Variants in SOX6 observed in about 807,000 individuals in gnomAD.
SOX6 encodes transcription factor SOX-6.
SOX6 carries 11 observed loss-of-function variants against 97.8 expected under a neutral mutation model. The ratio of observed to expected loss-of-function variants is 0.11; its 90% CI spans 0.07 to 0.19. The LOEUF is 0.19. SOX6 is among the 10% of genes least tolerant of loss of function. The pLI, the probability that SOX6 is intolerant of heterozygous loss-of-function variation, is 1.00. For synonymous variants in SOX6, 360 were observed against 371.4 expected (o/e 0.97, Z 0.35); for missense variants, 810 against 1,039.5 (o/e 0.78, Z 3.04).
intron 1 of SOX6, among the ~76,000 whole-genome samples, chr11:16,452,089 A>G (rs2133097241): frequency 6.6e-6 from 1 of 152,304 alleles, no homozygotes; most frequent in South Asian, 2.1e-4. Context: ...TGTTGAGTAC[A>G]GCTGGATAAA....
intron 12 of SOX6, among the ~76,000 whole-genome samples, chr11:16,037,844 C>A (rs539560580): frequency 6.6e-6 from 1 of 152,208 alleles, no homozygotes; most frequent in South Asian, 2.1e-4. Context: ...CAATGGCTGG[C>A]AATTATCTAC....
In SOX6 at chr11:16,031,204, C is replaced by T. The variant is rs557657705; in HGVS notation, c.1623+15310G>A. On this transcript the variant is annotated intron_variant, in intron 12 of 15. Coordinates refer to ENST00000683767, the MANE Select transcript of SOX6 (RefSeq NM_001367873.1). ...TAACATCAAGACTAAATTCCTTCTA[C>T]GATTCACATAGCTTCATTTGTCAAA... Among the ~76,000 whole-genome samples, 81 of 152,274 alleles carry T rather than the reference C, an allele frequency of 5.3e-4. No individual in the cohort carries two copies. In the South Asian group the frequency reaches 7.9e-3, roughly 15 times the overall value.
chr11:16,233,003 A>G (rs1415519414), intron 4 of SOX6, among the ~76,000 whole-genome samples: 3 of 152,202 alleles, frequency 2.0e-5, no homozygotes, highest in Non-Finnish European at 4.4e-5. Flanking sequence ...GCAATGATTT[A>G]TTAATTATTT....
chr11:16,423,938 C>T (rs1590197630), intron 1 of SOX6, among the ~76,000 whole-genome samples: 1 of 152,088 alleles, frequency 6.6e-6, no homozygotes, highest in East Asian at 1.9e-4. Context: ...GTGCTAAAAA[C>T]TTGTTGAATA....
intron 3 of SOX6, among the ~76,000 whole-genome samples, chr11:16,255,417 A>G (rs551113080): frequency 1.3e-4 from 20 of 152,232 alleles, no homozygotes; most frequent in South Asian, 2.1e-4. Flanking sequence ...TCAAACCACA[A>G]TGGTTTTAAA....
intron 1 of SOX6, among the ~76,000 whole-genome samples, chr11:16,413,276 T>G (rs761831571): frequency 2.0e-4 from 31 of 152,126 alleles, no homozygotes; most frequent in Non-Finnish European, 4.1e-4. Context: ...TTGTCCCTTC[T>G]CTTACTTCAG....
At chr11:16,216,351 G>C (rs1005742476) in intron 4 of SOX6, among the ~76,000 whole-genome samples, 4 of 152,088 alleles carry the variant, frequency 2.6e-5, no homozygotes, top group East Asian at 1.9e-4. Context: ...AAGATTTGTG[G>C]AGTGACTGAG....
intron 4 of SOX6, among the ~76,000 whole-genome samples, chr11:16,506,406 C>A (rs890284383): frequency 2.2e-4 from 33 of 152,236 alleles, no homozygotes; most frequent in African/African-American, 7.9e-4. Context: ...ATGCCTATAC[C>A]CCCATTGTAT....
intron 1 of SOX6, among the ~76,000 whole-genome samples, chr11:16,342,059 G>A (rs931545849): frequency 8.5e-5 from 13 of 152,062 alleles, no homozygotes; most frequent in African/African-American, 2.9e-4. Context: ...AATGCCTACT[G>A]TGCATAATAT....
chr11:16,711,004 T>G, intron 3 of SOX6, among the ~76,000 whole-genome samples: 1 of 152,184 alleles, frequency 6.6e-6, no homozygotes, highest in East Asian at 1.9e-4. Context: ...TTCCTTTTCA[T>G]TATCCCCAAT....
At chr11:16,316,343 G>C (rs1475974610) in intron 3 of SOX6, 1 of 151,074 alleles carries the variant, frequency 6.6e-6, no homozygotes, top group African/African-American at 2.4e-5. Context: ...TGATGAGCAT[G>C]TTTTTGGTCA....
intron 4 of SOX6, among the ~76,000 whole-genome samples, chr11:16,581,144 C>T (rs534524627): frequency 6.6e-6 from 1 of 152,226 alleles, no homozygotes; most frequent in South Asian, 2.1e-4. Context: ...AACGTATGCA[C>T]ACTTACATTT....
intron 4 of SOX6, among the ~76,000 whole-genome samples, chr11:16,496,428 G>A (rs1220001112): frequency 1.3e-5 from 2 of 152,166 alleles, no homozygotes; most frequent in Admixed American, 6.5e-5. Context: ...ATTTCCAACT[G>A]AGGTACCAGG....
At chr11:16,684,415 T>G (rs969315932) in intron 3 of SOX6, among the ~76,000 whole-genome samples, 2 of 152,104 alleles carry the variant, frequency 1.3e-5, no homozygotes, top group Non-Finnish European at 1.5e-5. Flanking sequence ...AAAGGATGAG[T>G]TCATGTCCTT....
intron 9 of SOX6, among the ~76,000 whole-genome samples, chr11:16,093,532 C>A (rs1252424974): frequency 1.3e-5 from 2 of 151,840 alleles, no homozygotes; most frequent in African/African-American, 4.8e-5. Flanking sequence ...TTAGAAATGA[C>A]AACCTTTGAA....
chr11:16,306,933 G>A (rs1232172199), intron 3 of SOX6, among the ~76,000 whole-genome samples: 5 of 151,962 alleles, frequency 3.3e-5, no homozygotes, highest in Non-Finnish European at 5.9e-5. Context: ...CTACATCCTC[G>A]AATTTCTTAA....
chr11:16,443,366 C>G (rs887648289), intron 1 of SOX6, among the ~76,000 whole-genome samples: 1 of 152,094 alleles, frequency 6.6e-6, no homozygotes, highest in African/African-American at 2.4e-5. Flanking sequence ...ACATTTCAGG[C>G]TCTCCATAAA....
intron 4 of SOX6, among the ~76,000 whole-genome samples, chr11:16,564,079 A>G (rs960781891): frequency 1.4e-4 from 22 of 152,200 alleles, no homozygotes; most frequent in African/African-American, 5.1e-4. Flanking sequence ...GTTTATCACC[A>G]GCAGACCCAC....
intron 4 of SOX6, among the ~76,000 whole-genome samples, chr11:16,481,834 C>G (rs568659288): frequency 6.6e-6 from 1 of 152,100 alleles, no homozygotes; most frequent in Admixed American, 6.5e-5. Context: ...TTTATCAATA[C>G]TTACTATATT....
Sources: allele counts gnomAD v4.1 joint callset (sites outside exome capture counted in the v4.1 genomes callset), GRCh38; gene constraint gnomAD v4.1.1; transcripts MANE v1.5; gene names NCBI Gene and HGNC (gene_info 2026-07-23, HGNC 2026-07-21).